The following PTK2 variants were observed in gnomAD, a reference collection of about 807,000 sequenced individuals.
PTK2 encodes focal adhesion kinase 1.
A neutral mutation model predicts 150.1 loss-of-function variants in PTK2; 45 were observed. That is an observed-to-expected ratio of 0.30 (90% CI 0.24 to 0.38). The LOEUF (loss-of-function observed/expected upper bound fraction) is 0.38, where lower values mean the gene tolerates loss of function less well. Among genes scored for constraint, PTK2 ranks in the 10% least tolerant of loss-of-function variants. PTK2 has a pLI of 1.00. For synonymous variants in PTK2, 432 were observed against 449.2 expected, an observed-to-expected ratio of 0.96 and a Z score of 0.48; for missense variants, 919 against 1,307.3, an observed-to-expected ratio of 0.70 and a Z score of 4.58.
At chr8:140,939,985 G>C (rs1482503835) in intron 1 of PTK2, among the ~76,000 whole-genome samples, 6 of 152,198 alleles carry the variant, frequency 3.9e-5, no homozygotes, top group African/African-American at 1.4e-4. Flanking sequence ...GAAGAACAGA[G>C]TAGAGCACGG....
At chr8:140,695,712 C>T (rs189796452) in intron 26 of PTK2, among the ~76,000 whole-genome samples, 10 of 152,190 alleles carry the variant, frequency 6.6e-5, no homozygotes, top group Admixed American at 6.5e-5. Context: ...CTAAGGTGAT[C>T]TTTCTGAGAT....
chr8:140,974,600 ATTACAT>A (rs2100188595), intron 1 of PTK2, among the ~76,000 whole-genome samples: 2 of 152,238 alleles, frequency 1.3e-5, no homozygotes, highest in Admixed American at 1.3e-4. Flanking sequence ...TTTGAGATGC[ATTACAT>A]TTAAAGTAAA....
chr8:140,789,648 T>TAAAA (rs2079727892), intron 13 of PTK2, 122 bp from the exon 14 acceptor site: 1 of 832,582 alleles, frequency 1.2e-6, no homozygotes, highest in Non-Finnish European at 1.9e-6. Flanking sequence ...GTGATTTCTT[T>TAAAA]AAAAATTGGA....
At chr8:140,834,185 T>C (rs1044955328) in intron 7 of PTK2, among the ~76,000 whole-genome samples, 1 of 152,136 alleles carries the variant, frequency 6.6e-6, no homozygotes, top group Non-Finnish European at 1.5e-5. Context: ...GCCACCCTCA[T>C]TCTCTAGGGC....
At chr8:140,999,296 G>A (rs894775222) in intron 1 of PTK2, among the ~76,000 whole-genome samples, 1 of 152,194 alleles carries the variant, frequency 6.6e-6, no homozygotes, top group Non-Finnish European at 1.5e-5. Flanking sequence ...AAGGAAGCAT[G>A]TGTTTTAAAT....
chr8:140,996,576 A>G lies in PTK2; in HGVS notation c.-122+4549T>C, dbSNP rs144172531. The stretch of plus-strand genomic sequence containing the variant: ...AGCTGGTGATCTCAAGTTGAAGCCA[A>G]TGCTCGTTTCCCATTCTGAAAATCC... On this transcript the variant is annotated intron_variant, in intron 1 of 31. Transcript: ENST00000522684. Among the ~76,000 whole-genome samples the G allele has an allele frequency of 3.9e-5, 6 of 152,334 alleles. No homozygotes were observed. The East Asian group carries it at 1.2e-3, about 29-fold the overall frequency.
At chr8:140,859,586 G>A (rs537769036) in intron 5 of PTK2, among the ~76,000 whole-genome samples, 10 of 152,190 alleles carry the variant, frequency 6.6e-5, no homozygotes, top group South Asian at 2.1e-4. Context: ...TAGAGAATGC[G>A]TATCATCAAA....
chr8:140,759,243 G>A (rs1042530566), intron 16 of PTK2, among the ~76,000 whole-genome samples: 2 of 151,142 alleles, frequency 1.3e-5, no homozygotes, highest in African/African-American at 4.9e-5. Flanking sequence ...TGAAGATGTG[G>A]AGATCTGCAG....
chr8:140,855,636 T>C (rs2100132099), intron 5 of PTK2, among the ~76,000 whole-genome samples: 1 of 151,064 alleles, frequency 6.6e-6, no homozygotes, highest in South Asian at 2.1e-4. Context: ...GTTAAGAAAA[T>C]GAACAGACAA....
intron 4 of PTK2, among the ~76,000 whole-genome samples, chr8:140,868,837 T>G (rs900516022): frequency 6.6e-6 from 1 of 152,124 alleles, no homozygotes; most frequent in African/African-American, 2.4e-5. Flanking sequence ...GACCGTAATG[T>G]GGTATTCTGA....
chr8:140,731,515 A>C lies in PTK2; in HGVS notation c.2030+3736T>G, dbSNP rs149950175. Among the ~76,000 whole-genome samples the C allele has an allele frequency of 4.3e-3, 655 of 152,292 alleles. 4 individuals are homozygous for C. Among genetic ancestry groups the C allele is most frequent in the African/African-American group, 0.015 (624 of 41,572 alleles). On this transcript the variant is annotated intron_variant, in intron 22 of 31. Coordinates refer to ENST00000522684, the Ensembl canonical transcript of PTK2. ...TTCCTTGAGTCACAGACATCACCTC[A>C]TCAAAGTAGGACCAAGGTGATTTTC...
rs533344976 is a variant in PTK2 at position 140,975,945 on chromosome 8, CACATTAAATGGAAAGG to C, written c.-122+25164_-122+25179del. 4.6e-3 allele frequency among the ~76,000 whole-genome samples: 698 copies of C among 152,292 alleles called. 5 individuals carry two copies. The highest frequency in any genetic ancestry group is 6.8e-3 in the Middle Eastern group (2 of 294). On this transcript the variant is annotated intron_variant, in intron 1 of 31. Coordinates refer to ENST00000522684, the Ensembl canonical transcript of PTK2. ...GAACCAGCTCAAGAACTGGTGAAATCACATTAAATGGAAAGGACCTGTGCCTTTAGTAGTAAAACAC... is the reference window on the plus strand; with the variant it reads ...GAACCAGCTCAAGAACTGGTGAAATCACCTGTGCCTTTAGTAGTAAAACAC...
intron 8 of PTK2, among the ~76,000 whole-genome samples, chr8:140,827,301 C>T (rs1187189739): frequency 4.6e-5 from 7 of 152,092 alleles, no homozygotes; most frequent in Non-Finnish European, 1.0e-4. Flanking sequence ...AGCCTAGAAA[C>T]AGAGAGGGCT....
rs182591975 is a variant in PTK2, at chr8:140,885,399, T to C, written c.195+5144A>G. On this transcript the variant is annotated intron_variant, in intron 3 of 31. Coordinates refer to ENST00000522684, the Ensembl canonical transcript of PTK2. ...TGCCTGCTAGACACTGTTAAAGACA[T>C]TGGCAATAATACCATGAAGTACAAA... Among the ~76,000 whole-genome samples the C allele has an allele frequency of 5.6e-4, 86 of 152,318 alleles. No individual in the cohort carries two copies. In the East Asian group the frequency reaches 0.011, roughly 20 times the overall value.
Position 140,929,182 on chromosome 8 carries a change from G to T in PTK2, c.-121-3433C>A, listed in dbSNP as rs1481573014. 2.0e-5 allele frequency among the ~76,000 whole-genome samples: 3 copies of T among 150,924 alleles called. No homozygotes were observed. The East Asian group carries it at 5.8e-4, about 29-fold the overall frequency. On this transcript the variant is annotated intron_variant, in intron 1 of 31. Transcript: ENST00000522684. ...GGGTTTCACCATTTTAGCCGGGATG[G>T]TCTCGATCTCCTGACCTCGTGATCC... is the stretch of plus-strand genomic sequence containing the variant.
intron 22 of PTK2, among the ~76,000 whole-genome samples, chr8:140,729,614 C>T (rs2100048027): frequency 6.6e-6 from 1 of 152,216 alleles, no homozygotes; most frequent in South Asian, 2.1e-4. Context: ...TTGGTTGATA[C>T]TCAAACAATG....
intron 16 of PTK2, among the ~76,000 whole-genome samples, chr8:140,755,239 C>T (rs575509483): frequency 2.0e-5 from 3 of 152,074 alleles, no homozygotes; most frequent in Non-Finnish European, 4.4e-5. Flanking sequence ...AAAAACAAGC[C>T]TGATAATCTT....
chr8:140,823,532 C>T (rs1166433117), intron 8 of PTK2, among the ~76,000 whole-genome samples: 1 of 152,152 alleles, frequency 6.6e-6, no homozygotes, highest in Non-Finnish European at 1.5e-5. Context: ...TGCAGTTTCT[C>T]ACAGACATCT....
At position 140,977,308 on chromosome 8, in the gene PTK2, G is replaced by A. The variant is rs570677594; in HGVS notation, c.-122+23817C>T. Among the ~76,000 whole-genome samples the A allele has an allele frequency of 5.9e-5, 9 of 152,242 alleles. No individual in the cohort carries two copies. In the South Asian group the frequency reaches 8.3e-4, roughly 14 times the overall value. On this transcript the variant is annotated intron_variant, in intron 1 of 31. Coordinates refer to ENST00000522684, the Ensembl canonical transcript of PTK2. The stretch of plus-strand genomic sequence containing the variant: ...CTCAGAAGGCTGAAGCAGGAGGATC[G>A]CTTGAACCTGGGAGGTCAAGACTGC...
Sources: allele counts gnomAD v4.1 joint callset (sites outside exome capture counted in the v4.1 genomes callset), GRCh38; gene constraint gnomAD v4.1.1; transcripts MANE v1.5; gene names NCBI Gene and HGNC (gene_info 2026-07-23, HGNC 2026-07-21).